USH2A: variants seen among roughly 807,000 people sequenced by gnomAD.
USH2A encodes the protein usherin.
A neutral mutation model predicts 538.9 loss-of-function variants in USH2A; 443 were observed. The observed-to-expected ratio is 0.82, with a 90% CI of 0.76 to 0.89. The LOEUF (loss-of-function observed/expected upper bound fraction) is 0.89, where lower values mean the gene tolerates loss of function less well. Among genes scored for constraint, USH2A ranks in the 40% least tolerant of loss-of-function variants. The pLI is 0.00. For missense variants in USH2A, 6,633 were observed against 6,324.8 expected (o/e 1.05, Z -1.65); for synonymous variants, 2,413 against 2,273.5 (o/e 1.06, Z -1.75).
chr1:215,777,085 T>C (rs912450303), intron 55 of USH2A, among the ~76,000 whole-genome samples: 2 of 152,142 alleles, frequency 1.3e-5, no homozygotes, highest in Admixed American at 1.3e-4. Context: ...GGGAGATTGG[T>C]CAAAGGACTC....
chr1:216,246,993 C>T lies in USH2A; in HGVS notation c.2401G>A (p.Gly801Arg). ...TTACAGACAGTCCCAGGGAGGGATC[C>T]AGCTGTGTCACAGTCACAGGCCTTA... ...NCKACDCDTA[G>R]SLPGTVCNAK... The change falls in exon 13 of 72, where the codon GGA becomes AGA. Residue 801 changes from glycine to arginine, a missense_variant. Coordinates refer to ENST00000307340, the MANE Select transcript of USH2A (RefSeq NM_206933.4). 1 of 1,614,044 alleles carries T rather than the reference C, an allele frequency of 6.2e-7. No homozygotes were observed. Among genetic ancestry groups the T allele is most frequent in the Non-Finnish European group, 8.5e-7 (1 of 1,179,988 alleles).
At chr1:216,134,966 A>C (rs2033451545) in intron 21 of USH2A, among the ~76,000 whole-genome samples, 1 of 152,076 alleles carries the variant, frequency 6.6e-6, no homozygotes, top group Non-Finnish European at 1.5e-5. Context: ...TCTGGCCAGC[A>C]AGAGTTGGAT....
rs533707505 is a variant in USH2A at position 216,396,380 on chromosome 1, G to A, written c.651+22134C>T. ...TTAGAAATATATATTTTCCATGGGC[G>A]CTTCCACTGTAGCCGTGAGTCACCT... On this transcript the variant is annotated intron_variant, in intron 3 of 71. Transcript: ENST00000307340. Among the ~76,000 whole-genome samples the A allele has an allele frequency of 3.9e-5, 6 of 152,082 alleles. No individual in the cohort carries two copies. In the East Asian group the frequency reaches 9.7e-4, roughly 25 times the overall value.
chr1:215,741,328 G>C, intron 60 of USH2A, 47 bp downstream of exon 60: 15 of 1,588,162 alleles, frequency 9.4e-6, no homozygotes, highest in Non-Finnish European at 1.3e-5. Context: ...TGTTGGAGCA[G>C]TACGCATTCT....
At chr1:215,835,388 G>A (rs1663448042) in intron 47 of USH2A, among the ~76,000 whole-genome samples, 1 of 151,844 alleles carries the variant, frequency 6.6e-6, no homozygotes, top group Non-Finnish European at 1.5e-5. Context: ...TTGTCTACTT[G>A]CTTTTGAGGG....
At chr1:216,011,213 C>T (rs1668557736) in intron 32 of USH2A, among the ~76,000 whole-genome samples, 1 of 152,162 alleles carries the variant, frequency 6.6e-6, no homozygotes, top group Admixed American at 6.5e-5. Context: ...ATCCTCAATA[C>T]CTCCCTCCAC....
chr1:215,627,182 T>G (rs1656057105), intron 71 of USH2A, among the ~76,000 whole-genome samples: 1 of 152,120 alleles, frequency 6.6e-6, no homozygotes, highest in Admixed American at 6.5e-5. Flanking sequence ...CAAGAAAGGC[T>G]TCATGGAAGT....
chr1:215,866,013 T>A (rs1000183540), intron 44 of USH2A, among the ~76,000 whole-genome samples: 5 of 152,188 alleles, frequency 3.3e-5, no homozygotes, highest in Non-Finnish European at 7.4e-5. Flanking sequence ...AGTAGTGACT[T>A]TTCATCTTTT....
chr1:215,918,137 A>C (rs1244374096), intron 38 of USH2A, among the ~76,000 whole-genome samples: 2 of 152,146 alleles, frequency 1.3e-5, no homozygotes, highest in African/African-American at 4.8e-5. Context: ...TGATTGAAGA[A>C]TCAGAGCAGA....
chr1:216,232,746 G>A lies in USH2A; in HGVS notation c.2810-610C>T, dbSNP rs114278241. Reference sequence around the variant, plus strand: ...TTTAAACCTTCCACTCTTCATCCCCGCTACGACCTCCCAGATAAAGTCACC... The same window carrying A: ...TTTAAACCTTCCACTCTTCATCCCCACTACGACCTCCCAGATAAAGTCACC... On this transcript the variant is annotated intron_variant, in intron 13 of 71. Coordinates refer to ENST00000307340, the MANE Select transcript of USH2A (RefSeq NM_206933.4). Among the ~76,000 whole-genome samples the A allele has an allele frequency of 7.6e-3, 1,154 of 151,980 alleles. 6 individuals carry two copies. The highest frequency in any genetic ancestry group is 0.012 in the African/African-American group (500 of 41,422).
At chr1:215,811,287 C>T (rs576472483) in intron 49 of USH2A, among the ~76,000 whole-genome samples, 3 of 152,322 alleles carry the variant, frequency 2.0e-5, no homozygotes, top group Non-Finnish European at 2.9e-5. Context: ...GGAACTACGG[C>T]TTAGGTGTTC....
At chr1:215,890,823 C>A (rs1039186942) in intron 40 of USH2A, among the ~76,000 whole-genome samples, 1 of 152,154 alleles carries the variant, frequency 6.6e-6, no homozygotes, top group East Asian at 1.9e-4. Flanking sequence ...GTTTTGAAAT[C>A]TAAAAAAACC....
intron 43 of USH2A, among the ~76,000 whole-genome samples, chr1:215,873,090 C>T (rs1312111744): frequency 6.6e-6 from 1 of 151,214 alleles, no homozygotes; most frequent in African/African-American, 2.4e-5. Context: ...AATATGATGA[C>T]ACAGAAAAGG....
chr1:215,627,368 C>T (rs1305160613), intron 71 of USH2A, among the ~76,000 whole-genome samples: 1 of 148,580 alleles, frequency 6.7e-6, no homozygotes, highest in African/African-American at 2.5e-5. Context: ...TCTCTCCCTC[C>T]CTCCCTCCCT....
chr1:216,138,036 G>C (rs1242181783), intron 21 of USH2A, among the ~76,000 whole-genome samples: 1 of 151,956 alleles, frequency 6.6e-6, no homozygotes, highest in Non-Finnish European at 1.5e-5. Flanking sequence ...ATTGTATAAA[G>C]TTTTCTTTAA....
At chr1:215,633,171 T>G (rs1287841491) in intron 70 of USH2A, among the ~76,000 whole-genome samples, 2 of 152,180 alleles carry the variant, frequency 1.3e-5, no homozygotes, top group Non-Finnish European at 2.9e-5. Flanking sequence ...AGCAAGAGTG[T>G]GAGCCACCCA....
chr1:216,048,619 T>C lies in USH2A; in HGVS notation c.6078A>G (p.Lys2026=), dbSNP rs1470267904. 5 of 1,613,984 alleles carry C rather than the reference T, an allele frequency of 3.1e-6. No homozygotes were observed. In the African/African-American group the frequency reaches 6.7e-5, roughly 22 times the overall value. ...TGILTGLLPF[K]NYAVTLTACT... ...AAGCAGTTAGGGTTACTGCATAGTT[T>C]TTGAAGGGTAGCAAGCCTGTCAATA... Residue 2026 remains lysine, a synonymous_variant, in exon 31 of 72, where the codon AAA becomes AAG. Coordinates refer to ENST00000307340, the MANE Select transcript of USH2A (RefSeq NM_206933.4).
chr1:216,018,835 A>G (rs1668779188), intron 32 of USH2A, among the ~76,000 whole-genome samples: 1 of 151,808 alleles, frequency 6.6e-6, no homozygotes, highest in South Asian at 2.1e-4. Flanking sequence ...CTATATTTAC[A>G]TATTTTTTTC....
intron 3 of USH2A, among the ~76,000 whole-genome samples, chr1:216,365,679 A>ATT (rs146276635): frequency 1.5e-4 from 22 of 150,766 alleles, no homozygotes; most frequent in East Asian, 5.9e-4. Context: ...GGGATTAGCA[A>ATT]TTTTTTTTTT....
Sources: allele counts gnomAD v4.1 joint callset (sites outside exome capture counted in the v4.1 genomes callset), GRCh38; gene constraint gnomAD v4.1.1; transcripts MANE v1.5; gene names NCBI Gene and HGNC (gene_info 2026-07-23, HGNC 2026-07-21).